Variants in IPPK observed in about 807,000 individuals in gnomAD.
The protein encoded by IPPK is inositol-pentakisphosphate 2-kinase.
In IPPK, 22 loss-of-function variants were observed where a neutral mutation model predicts 64.6. The ratio of observed to expected loss-of-function variants is 0.34; its 90% CI spans 0.24 to 0.49. The LOEUF is 0.49. Ranked by LOEUF, IPPK falls within the 20% of genes least tolerant of loss-of-function variation. The probability of loss-of-function intolerance (pLI) is 0.99; values close to 1 mark genes in which losing one functional copy is unlikely to be tolerated. For synonymous variants in IPPK, 262 were observed against 247.2 expected (o/e 1.06, Z -0.56); for missense variants, 532 against 630.7 (o/e 0.84, Z 1.68).
At chr9:92,663,391 A>C (rs890604132) in intron 1 of IPPK, among the ~76,000 whole-genome samples, 1 of 152,260 alleles carries the variant, frequency 6.6e-6, no homozygotes, top group Non-Finnish European at 1.5e-5. Context: ...AGGTGTGTTC[A>C]TATGGCAACA....
At position 92,615,809 on chromosome 9, in the gene IPPK, T is replaced by C. The variant is rs756263115; in HGVS notation, c.*23A>G. On this transcript the variant is annotated 3_prime_UTR_variant, in exon 13 of 13. Transcript: ENST00000287996. The stretch of plus-strand genomic sequence containing the variant: ...TCAGCCTTCACATTATGTTCAAGTT[T>C]CAAAGACACTGCAGGGAAAGAGTTA... 2.9e-5 allele frequency: 45 copies of C among 1,545,976 alleles called. No individual in the cohort carries two copies. The highest frequency in any genetic ancestry group is 3.8e-5 in the Non-Finnish European group (42 of 1,118,478).
intron 6 of IPPK, 141 bp from the exon 7 acceptor site, chr9:92,642,951 T>C: frequency 1.4e-6 from 1 of 712,046 alleles, no homozygotes; most frequent in Admixed American, 2.1e-5. Flanking sequence ...CCACCACCTT[T>C]GCAGGTGCAC....
chr9:92,641,295 C>A (rs1852041379), intron 7 of IPPK, among the ~76,000 whole-genome samples: 1 of 152,196 alleles, frequency 6.6e-6, no homozygotes, highest in Admixed American at 6.5e-5. Context: ...TCCTCCCCTA[C>A]CCCCAACGGA....
At chr9:92,655,268 G>A (rs1470438114) in intron 3 of IPPK, among the ~76,000 whole-genome samples, 2 of 152,182 alleles carry the variant, frequency 1.3e-5, no homozygotes, top group African/African-American at 2.4e-5. Context: ...CAGATGCAGC[G>A]ACCCTGAGGG....
At chr9:92,641,705 G>T (rs931763606) in intron 7 of IPPK, among the ~76,000 whole-genome samples, 1 of 152,202 alleles carries the variant, frequency 6.6e-6, no homozygotes, top group Non-Finnish European at 1.5e-5. Context: ...GTTCCCGGAA[G>T]TTTAAAAGAG....
chr9:92,648,289 C>G (rs1852189672), intron 5 of IPPK, 141 bp from the exon 6 acceptor site: 1 of 653,172 alleles, frequency 1.5e-6, no homozygotes, highest in Non-Finnish European at 2.7e-6. Flanking sequence ...TCATTTGCAC[C>G]TCCCAGCGGG....
At chr9:92,669,748 G>C (rs1381246551) in intron 1 of IPPK, among the ~76,000 whole-genome samples, 160 bp downstream of exon 1, 1 of 152,036 alleles carries the variant, frequency 6.6e-6, no homozygotes, top group South Asian at 2.1e-4. Context: ...GCGGTAGGGG[G>C]GGATGCTGGA....
intron 8 of IPPK, 69 bp downstream of exon 8, chr9:92,640,641 A>G: frequency 9.8e-7 from 1 of 1,025,210 alleles, no homozygotes; most frequent in Non-Finnish European, 1.6e-6. Context: ...CAACACCCTC[A>G]TCTGTGAGGT....
At chr9:92,643,510 TAG>T (rs1434469167) in intron 6 of IPPK, among the ~76,000 whole-genome samples, 1 of 150,114 alleles carries the variant, frequency 6.7e-6, no homozygotes, top group African/African-American at 2.5e-5. Context: ...CAGAAAGAGG[TAG>T]AGTTAAAAGT....
chr9:92,619,668 C>A (rs1303397836), intron 11 of IPPK, 103 bp from the exon 12 acceptor site: 5 of 1,066,304 alleles, frequency 4.7e-6, no homozygotes, highest in Non-Finnish European at 5.6e-6. Context: ...CTTCCTGCCT[C>A]AGAACCTGAG....
intron 1 of IPPK, among the ~76,000 whole-genome samples, chr9:92,660,167 T>C (rs1355903071): frequency 1.3e-5 from 2 of 152,156 alleles, no homozygotes; most frequent in African/African-American, 2.4e-5. Flanking sequence ...CACCTACACA[T>C]GATGGTGTGT....
chr9:92,667,664 A>C (rs2131468082), intron 1 of IPPK, among the ~76,000 whole-genome samples: 1 of 152,348 alleles, frequency 6.6e-6, no homozygotes, highest in African/African-American at 2.4e-5. Flanking sequence ...CACACCTGTA[A>C]TCCCAGCACT....
At position 92,636,078 on chromosome 9, in the gene IPPK, C is replaced by T. The variant is rs559389764; in HGVS notation, c.917-770G>A. 5.9e-5 allele frequency among the ~76,000 whole-genome samples: 9 copies of T among 152,260 alleles called. No homozygotes were observed. In the South Asian group the frequency reaches 1.0e-3, roughly 18 times the overall value. Reference sequence around the variant, plus strand: ...TTTGGCACCTGTGCTGTACAGGGTGCCAAGTGAGCTTGGGAGGTACCAAGT... The same window carrying T: ...TTTGGCACCTGTGCTGTACAGGGTGTCAAGTGAGCTTGGGAGGTACCAAGT... On this transcript the variant is annotated intron_variant, in intron 9 of 12. Transcript: ENST00000287996.
At chr9:92,642,095 G>A (rs894869638) in intron 7 of IPPK, among the ~76,000 whole-genome samples, 121 of 152,350 alleles carry the variant, frequency 7.9e-4, no homozygotes, top group African/African-American at 2.7e-3. Flanking sequence ...AGCCCTGCCA[G>A]CATCCTCTGC....
chr9:92,665,984 C>T lies in IPPK; in HGVS notation c.81+3924G>A, dbSNP rs73510305. ...AGGGACACCAAAACTCCCCAGGCAA[C>T]AAAACAATTTGCAGAAATGATCTGA... is the stretch of plus-strand genomic sequence containing the variant. On this transcript the variant is annotated intron_variant, in intron 1 of 12. Transcript: ENST00000287996. Among the ~76,000 whole-genome samples the T allele has an allele frequency of 5.6e-3, 855 of 152,222 alleles. 12 individuals are homozygous for T. The highest frequency in any genetic ancestry group is 0.019 in the African/African-American group (804 of 41,534).
At chr9:92,668,409 C>T (rs974629012) in intron 1 of IPPK, among the ~76,000 whole-genome samples, 6 of 152,188 alleles carry the variant, frequency 3.9e-5, no homozygotes, top group African/African-American at 1.4e-4. Flanking sequence ...ATCCAAGTGC[C>T]AGAGGCAACT....
intron 1 of IPPK, among the ~76,000 whole-genome samples, chr9:92,668,394 G>C (rs72756447): frequency 0.04 from 6,033 of 152,318 alleles, 181 homozygotes; most frequent in South Asian, 0.11. Flanking sequence ...GGAACGTGCA[G>C]AGAGATCCAA....
At position 92,635,141 on chromosome 9, in the gene IPPK, G is replaced by A; in HGVS notation, c.1067+17C>T. On this transcript the variant is annotated intron_variant, in intron 10 of 12. Coordinates refer to ENST00000287996, the MANE Select transcript of IPPK (RefSeq NM_022755.6). The surrounding 1 kb of genome is among the most constrained non-coding windows in gnomAD (Gnocchi z 4.4). ...CTCCTCTCAGGGCTGCCCAACAGGG[G>A]GACCGCCCGACCTCACCTCTCCTCG... 6.2e-7 allele frequency: 1 copy of A among 1,603,072 alleles called. No homozygotes were observed. The highest frequency in any genetic ancestry group is 8.5e-7 in the Non-Finnish European group (1 of 1,173,182).
chr9:92,642,592 A>C (rs956489516), intron 7 of IPPK, among the ~76,000 whole-genome samples, 160 bp downstream of exon 7: 3 of 152,248 alleles, frequency 2.0e-5, no homozygotes, highest in African/African-American at 7.2e-5. Context: ...ACAAAGCCCC[A>C]GGTGTCTACA....
Sources: allele counts gnomAD v4.1 joint callset (sites outside exome capture counted in the v4.1 genomes callset), GRCh38; gene constraint gnomAD v4.1.1; non-coding constraint Gnocchi (gnomAD v3.1); transcripts MANE v1.5; gene names NCBI Gene and HGNC (gene_info 2026-07-23, HGNC 2026-07-21).